POLD3: variants seen among roughly 807,000 people sequenced by gnomAD.
POLD3 encodes the protein DNA polymerase delta 3, accessory subunit.
POLD3 carries 19 observed loss-of-function variants against 58.2 expected under a neutral mutation model. That is an observed-to-expected ratio of 0.33 (90% CI 0.23 to 0.48). POLD3 has a LOEUF of 0.48. POLD3 is among the 20% of genes least tolerant of loss of function. The pLI is 0.99. For synonymous variants in POLD3, 172 were observed against 193.5 expected (o/e 0.89, Z 0.92); for missense variants, 504 against 545.5 (o/e 0.92, Z 0.76).
In POLD3 at chr11:74,641,461, A is replaced by G; in HGVS notation, c.*695A>G. On this transcript the variant is annotated 3_prime_UTR_variant, in exon 12 of 12. Coordinates refer to ENST00000263681, the MANE Select transcript of POLD3 (RefSeq NM_006591.3). ...GGGAAAAGCCTCAGGCAGAACACAA[A>G]TAGAAATTTAATGATGTGTTCAACT... 1 of 985,432 alleles carries G rather than the reference A, an allele frequency of 1.0e-6. No individual in the cohort carries two copies. The highest frequency in any genetic ancestry group is 1.2e-6 in the Non-Finnish European group (1 of 829,936). The allele number at this position is 985,432 out of a possible 1,614,324, so 61.0% of individuals were successfully genotyped here. A position where few individuals can be genotyped will look rare whatever the true frequency, so the allele number is the denominator to read the frequency against.
Position 74,604,770 on chromosome 11 carries a change from C to T in POLD3, c.195C>T (p.Gly65=), listed in dbSNP as rs1018914992. The stretch of plus-strand genomic sequence containing the variant: ...TGCATGTTACCTACTTGGTGTCTGG[C>T]AGTCTCATTCAGAATGGACATTCCG... The part of the protein sequence containing the change: ...AQLHVTYLVS[G]SLIQNGHSCH... Residue 65 remains glycine (G), a synonymous_variant, in exon 3 of 12, where the codon GGC becomes GGT. Transcript: ENST00000263681. 2 of 1,600,992 alleles carry T rather than the reference C, an allele frequency of 1.2e-6. No individual in the cohort carries two copies. The highest frequency in any genetic ancestry group is 1.7e-4 in the Middle Eastern group (1 of 6,044).
At chr11:74,656,542 A>T (rs4944928) in intron 4 of POLD3, among the ~76,000 whole-genome samples, 2 of 151,892 alleles carry the variant, frequency 1.3e-5, no homozygotes, top group Admixed American at 1.3e-4. Flanking sequence ...AGCCAAGATC[A>T]CACCATTGCA....
chr11:74,604,952 C>A (rs1439604047), intron 3 of POLD3, among the ~76,000 whole-genome samples, 158 bp downstream of exon 3: 1 of 151,822 alleles, frequency 6.6e-6, no homozygotes, highest in African/African-American at 2.4e-5. Context: ...TAGATTAAAT[C>A]TAAAACTGAG....
intron 1 of POLD3, among the ~76,000 whole-genome samples, chr11:74,593,333 T>G (rs1344678447): frequency 6.6e-6 from 1 of 152,136 alleles, no homozygotes; most frequent in Non-Finnish European, 1.5e-5. Context: ...ATGAGGAAAT[T>G]GAAGCTGAGG....
intron 3 of POLD3, among the ~76,000 whole-genome samples, chr11:74,605,928 A>T (rs1565113530): frequency 6.6e-6 from 1 of 152,168 alleles, no homozygotes; most frequent in Non-Finnish European, 1.5e-5. Context: ...TACAAAAAAT[A>T]CAAAAATTAG....
At chr11:74,618,094 C>CA (rs1226699468) in intron 5 of POLD3, among the ~76,000 whole-genome samples, 1 of 121,098 alleles carries the variant, frequency 8.3e-6, no homozygotes. Context: ...TTGATTCAGT[C>CA]AATATTGCAA....
intron 3 of POLD3, among the ~76,000 whole-genome samples, chr11:74,606,062 G>C (rs2031664336): frequency 6.6e-6 from 1 of 152,184 alleles, no homozygotes; most frequent in African/African-American, 2.4e-5. Context: ...TCCAGCTTGG[G>C]TGATATAAAA....
At position 74,642,628 on chromosome 11, in the gene POLD3, C is replaced by A. The variant is rs2032942752; in HGVS notation, c.*1862C>A. 1 of 983,676 alleles carries A rather than the reference C, an allele frequency of 1.0e-6. No homozygotes were observed. The highest frequency in any genetic ancestry group is 1.2e-6 in the Non-Finnish European group (1 of 828,704). The allele number at this position is 983,676 out of a possible 1,614,324, so 60.9% of individuals were successfully genotyped here. A position where few individuals can be genotyped will look rare whatever the true frequency, so the allele number is the denominator to read the frequency against. ...TGCTGCCTCAACTCTGAGCTGTCTG[C>A]AAGGCTTAGTAAGTATTGAGTGGTG... On this transcript the variant is annotated 3_prime_UTR_variant, in exon 12 of 12. Coordinates refer to ENST00000263681, the MANE Select transcript of POLD3 (RefSeq NM_006591.3).
chr11:74,665,459 G>C (rs2135202570), intron 4 of POLD3, among the ~76,000 whole-genome samples: 2 of 130,912 alleles, frequency 1.5e-5, no homozygotes, highest in Middle Eastern at 0.011. Context: ...GGAGTACAGT[G>C]GCACGATGTC....
intron 3 of POLD3, among the ~76,000 whole-genome samples, chr11:74,606,116 A>G (rs2031665889): frequency 6.6e-6 from 1 of 152,130 alleles, no homozygotes; most frequent in African/African-American, 2.4e-5. Context: ...GAGCAACAAA[A>G]CTGCTAGAGG....
In POLD3 at chr11:74,642,846, C is replaced by T. The variant is rs1217952714; in HGVS notation, c.*2080C>T. The T allele has an allele frequency of 1.0e-6, 1 of 985,046 alleles. No individual in the cohort carries two copies. Among genetic ancestry groups the T allele is most frequent in the East Asian group, 1.1e-4 (1 of 8,810 alleles). The allele number at this position is 985,046 out of a possible 1,614,324, so 61.0% of individuals were successfully genotyped here. A position where few individuals can be genotyped will look rare whatever the true frequency, so the allele number is the denominator to read the frequency against. On this transcript the variant is annotated 3_prime_UTR_variant, in exon 12 of 12. Coordinates refer to ENST00000263681, the MANE Select transcript of POLD3 (RefSeq NM_006591.3). ...CAGTTGATATTGTTAAAACTGCATA[C>T]CCACAGTCTGAGATGAACAAGTTAT...
chr11:74,631,593 T>C (rs1165904869), intron 9 of POLD3, among the ~76,000 whole-genome samples: 1 of 150,070 alleles, frequency 6.7e-6, no homozygotes, highest in Non-Finnish European at 1.5e-5. Flanking sequence ...CAAGCGATTC[T>C]CTGCCTCAGC....
chr11:74,665,994 T>C (rs374722629), intron 4 of POLD3, among the ~76,000 whole-genome samples: 1 of 152,174 alleles, frequency 6.6e-6, no homozygotes, highest in Non-Finnish European at 1.5e-5. Context: ...ATCTTCTATA[T>C]AGAAAATCCT....
intron 4 of POLD3, among the ~76,000 whole-genome samples, chr11:74,657,840 G>T (rs913428253): frequency 6.6e-6 from 1 of 152,156 alleles, no homozygotes; most frequent in Non-Finnish European, 1.5e-5. Flanking sequence ...GTCTGGTGTT[G>T]ATGAAATCCT....
intron 4 of POLD3, among the ~76,000 whole-genome samples, chr11:74,653,998 A>G (rs1279128703): frequency 1.3e-5 from 2 of 152,154 alleles, no homozygotes; most frequent in Non-Finnish European, 2.9e-5. Flanking sequence ...GAGCAAGAGA[A>G]AGAAGGGGAG....
At chr11:74,609,143 G>A (rs1201880092) in intron 3 of POLD3, among the ~76,000 whole-genome samples, 8 of 151,726 alleles carry the variant, frequency 5.3e-5, no homozygotes, top group Admixed American at 1.3e-4. Context: ...TTCTTTGTCT[G>A]TAGGATATGT....
At chr11:74,627,144 G>A (rs555816335) in intron 8 of POLD3, among the ~76,000 whole-genome samples, 106 of 152,236 alleles carry the variant, frequency 7.0e-4, no homozygotes, top group African/African-American at 2.5e-3. Context: ...AGAGATGACA[G>A]CTTCATGTGT....
At position 74,642,345 on chromosome 11, in the gene POLD3, G is replaced by C; in HGVS notation, c.*1579G>C. The C allele has an allele frequency of 1.0e-6, 1 of 985,330 alleles. No homozygotes were observed. Among genetic ancestry groups the C allele is most frequent in the Non-Finnish European group, 1.2e-6 (1 of 829,872 alleles). The allele number at this position is 985,330 out of a possible 1,614,324, so 61.0% of individuals were successfully genotyped here. A position where few individuals can be genotyped will look rare whatever the true frequency, so the allele number is the denominator to read the frequency against. ...TTAAAAGGAAAAAGGATGGAGAGAAGGATGGAAAGCCTGGACTTAAACCTT... is the reference window on the plus strand; with the variant it reads ...TTAAAAGGAAAAAGGATGGAGAGAACGATGGAAAGCCTGGACTTAAACCTT... On this transcript the variant is annotated 3_prime_UTR_variant, in exon 12 of 12. Coordinates refer to ENST00000263681, the MANE Select transcript of POLD3 (RefSeq NM_006591.3).
Position 74,592,673 on chromosome 11 carries a change from T to C in POLD3, c.15T>C (p.Leu5=). 1 of 1,613,746 alleles carries C rather than the reference T, an allele frequency of 6.2e-7. No homozygotes were observed. Residue 5 remains leucine (L), a synonymous_variant, in exon 1 of 12, where the codon CTT becomes CTC. Coordinates refer to ENST00000263681, the MANE Select transcript of POLD3 (RefSeq NM_006591.3). MADQ[L]YLENIDEFVT... ...GCTGCCGCACCATGGCGGACCAGCT[T>C]TATCTGGAAAATATAGACGAGTTCG...
Sources: allele counts gnomAD v4.1 joint callset (sites outside exome capture counted in the v4.1 genomes callset), GRCh38; gene constraint gnomAD v4.1.1; transcripts MANE v1.5; gene names NCBI Gene and HGNC (gene_info 2026-07-23, HGNC 2026-07-21).